The following PCDH9 variants were observed in gnomAD, a reference collection of about 807,000 sequenced individuals.
PCDH9 encodes protocadherin 9.
In PCDH9, 24 loss-of-function variants were observed where a neutral mutation model predicts 70.6. The ratio of observed to expected loss-of-function variants is 0.34; its 90% CI spans 0.25 to 0.48. The LOEUF (loss-of-function observed/expected upper bound fraction) is 0.48, where lower values mean the gene tolerates loss of function less well. PCDH9 is among the 20% of genes least tolerant of loss of function. PCDH9 has a pLI of 0.99. For synonymous variants in PCDH9, 562 were observed against 558.5 expected, an observed-to-expected ratio of 1.01 and a Z score of -0.09; for missense variants, 1,281 against 1,503.6, an observed-to-expected ratio of 0.85 and a Z score of 2.45.
chr13:66,852,072 C>T (rs958980390), intron 3 of PCDH9, among the ~76,000 whole-genome samples: 1 of 152,042 alleles, frequency 6.6e-6, no homozygotes, highest in Non-Finnish European at 1.5e-5. Flanking sequence ...CTTATAACCT[C>T]ATTTAACCTT....
intron 4 of PCDH9, among the ~76,000 whole-genome samples, chr13:66,342,796 G>GTATTTATT (rs869028823): frequency 0.069 from 1,244 of 17,998 alleles, 23 homozygotes; most frequent in Middle Eastern, 0.17. Flanking sequence ...TTTATTTATT[G>GTATTTATT]TATTTATTTA....
chr13:66,979,523 T>G (rs902141016), intron 2 of PCDH9, among the ~76,000 whole-genome samples: 4 of 152,130 alleles, frequency 2.6e-5, no homozygotes, highest in African/African-American at 9.6e-5. Flanking sequence ...TCTCAAAGGC[T>G]TCTTTCTCCT....
chr13:67,190,909 T>C (rs1349496044), intron 2 of PCDH9, among the ~76,000 whole-genome samples: 1 of 152,098 alleles, frequency 6.6e-6, no homozygotes, highest in Non-Finnish European at 1.5e-5. Flanking sequence ...TTCTTATTGA[T>C]AAGTACACAA....
At chr13:66,739,979 C>A (rs2079230084) in intron 3 of PCDH9, among the ~76,000 whole-genome samples, 2 of 151,456 alleles carry the variant, frequency 1.3e-5, no homozygotes, top group African/African-American at 2.4e-5. Context: ...TTCAGCTCTG[C>A]ACCAAGCGGA....
At chr13:66,543,053 AAT>A (rs1338142126) in intron 4 of PCDH9, among the ~76,000 whole-genome samples, 3 of 151,858 alleles carry the variant, frequency 2.0e-5, no homozygotes, top group Admixed American at 6.6e-5. Flanking sequence ...TGTTAATCAA[AAT>A]ATCTTTACTT....
At chr13:66,339,016 T>C (rs1320303588) in intron 4 of PCDH9, among the ~76,000 whole-genome samples, 1 of 152,068 alleles carries the variant, frequency 6.6e-6, no homozygotes, top group Non-Finnish European at 1.5e-5. Context: ...TGATTTGAGA[T>C]TATTAATGAA....
chr13:66,678,761 A>C (rs2078277756), intron 3 of PCDH9, among the ~76,000 whole-genome samples: 2 of 151,932 alleles, frequency 1.3e-5, no homozygotes, highest in African/African-American at 4.8e-5. Context: ...AAAAATAAAA[A>C]AAATATTCAA....
At chr13:66,484,729 G>A (rs1400677129) in intron 4 of PCDH9, among the ~76,000 whole-genome samples, 1 of 152,142 alleles carries the variant, frequency 6.6e-6, no homozygotes, top group African/African-American at 2.4e-5. Flanking sequence ...GGAAGAGTGG[G>A]CGATCTGAAT....
At chr13:67,105,306 A>C (rs2086516775) in intron 2 of PCDH9, among the ~76,000 whole-genome samples, 1 of 152,186 alleles carries the variant, frequency 6.6e-6, no homozygotes, top group African/African-American at 2.4e-5. Flanking sequence ...AAATAAAATA[A>C]TACTATGAAG....
chr13:66,857,579 A>G (rs1029020144), intron 3 of PCDH9, among the ~76,000 whole-genome samples: 20 of 152,170 alleles, frequency 1.3e-4, no homozygotes, highest in African/African-American at 4.3e-4. Context: ...AACTTTATTC[A>G]TATTGACCTA....
chr13:66,882,243 T>C (rs1412978717), intron 3 of PCDH9, among the ~76,000 whole-genome samples: 1 of 152,196 alleles, frequency 6.6e-6, no homozygotes, highest in Non-Finnish European at 1.5e-5. Context: ...TTGGTCTAAA[T>C]TGAAATGCTT....
chr13:66,842,697 A>G lies in PCDH9; in HGVS notation c.3138+60807T>C, dbSNP rs1238040572. 2.0e-5 allele frequency among the ~76,000 whole-genome samples: 3 copies of G among 152,304 alleles called. No homozygotes were observed. The East Asian group carries it at 5.8e-4, about 29-fold the overall frequency. On this transcript the variant is annotated intron_variant, in intron 3 of 4. Coordinates refer to ENST00000377865, the MANE Select transcript of PCDH9 (RefSeq NM_203487.3). ...GTTTTTGTAATGACATTAACTGTTA[A>G]TCCTAAGATTTCAAAAATAAGAATA... is the stretch of plus-strand genomic sequence containing the variant.
intron 3 of PCDH9, among the ~76,000 whole-genome samples, chr13:66,761,892 G>C (rs369578246): frequency 6.6e-6 from 1 of 151,140 alleles, no homozygotes; most frequent in African/African-American, 2.5e-5. Context: ...ATCAGTTACT[G>C]ATACTTTATT....
chr13:67,004,563 AAAAAGAAAG>A (rs970107337), intron 2 of PCDH9, among the ~76,000 whole-genome samples: 6 of 150,044 alleles, frequency 4.0e-5, no homozygotes, highest in African/African-American at 7.3e-5. Flanking sequence ...AAAAAAAAAA[AAAAAGAAAG>A]AAAGAAAGAA....
intron 2 of PCDH9, among the ~76,000 whole-genome samples, chr13:67,082,507 C>T (rs1391913874): frequency 1.3e-5 from 2 of 152,110 alleles, no homozygotes; most frequent in African/African-American, 4.8e-5. Context: ...CTGATTGCTT[C>T]CATGTCCTGT....
At chr13:66,879,106 CACTT>C (rs1430473122) in intron 3 of PCDH9, among the ~76,000 whole-genome samples, 1 of 152,148 alleles carries the variant, frequency 6.6e-6, no homozygotes, top group African/African-American at 2.4e-5. Context: ...TTTGGAAAAA[CACTT>C]AGTAGATTTG....
At chr13:66,485,938 C>T (rs550507631) in intron 4 of PCDH9, among the ~76,000 whole-genome samples, 3 of 151,864 alleles carry the variant, frequency 2.0e-5, no homozygotes, top group African/African-American at 4.8e-5. Flanking sequence ...ATGTTGGCCA[C>T]GCTGGTCTCG....
intron 2 of PCDH9, among the ~76,000 whole-genome samples, chr13:67,083,114 A>C (rs2086019532): frequency 6.6e-6 from 1 of 152,150 alleles, no homozygotes; most frequent in Non-Finnish European, 1.5e-5. Flanking sequence ...ATTAAATAAA[A>C]TAACCGTATA....
chr13:66,561,035 G>A (rs980382522), intron 4 of PCDH9, among the ~76,000 whole-genome samples: 6 of 152,216 alleles, frequency 3.9e-5, no homozygotes, highest in Non-Finnish European at 7.3e-5. Flanking sequence ...GGCCGGAGCC[G>A]GCTGCCTCAG....
Sources: gnomAD v4.1 joint callset for allele counts (sites outside exome capture counted in the v4.1 genomes callset) on GRCh38, gnomAD v4.1.1 for gene constraint, MANE v1.5 for transcripts, NCBI Gene and HGNC (gene_info 2026-07-23, HGNC 2026-07-21) for gene names.